The following PCDHGA10 variants were observed in gnomAD, a reference collection of about 807,000 sequenced individuals.
PCDHGA10 encodes the protein protocadherin gamma subfamily A, 10.
A neutral mutation model predicts 59.5 loss-of-function variants in PCDHGA10; 42 were observed. The observed-to-expected ratio is 0.71, with a 90% CI of 0.55 to 0.91. The LOEUF is 0.91. PCDHGA10 is among the 40% of genes least tolerant of loss of function. PCDHGA10 has a pLI of 0.00. For missense variants in PCDHGA10, 1,111 were observed against 1,198.2 expected (o/e 0.93, Z 1.07); for synonymous variants, 511 against 517.2 (o/e 0.99, Z 0.16).
chr5:141,485,632 G>T lies in PCDHGA10; in HGVS notation c.2437-9175G>T. The T allele has an allele frequency of 6.2e-7, 1 of 1,611,766 alleles. No homozygotes were observed. Among genetic ancestry groups the T allele is most frequent in the Non-Finnish European group, 8.5e-7 (1 of 1,178,342 alleles). The stretch of plus-strand genomic sequence containing the variant: ...CAGCTCCTCCAGGACAGCGTTTCCC[G>T]TTGGAAAAGGCTCAGGATGCAGATG... On this transcript the variant is annotated intron_variant, in intron 1 of 3. Coordinates refer to ENST00000398610, the MANE Select transcript of PCDHGA10 (RefSeq NM_018913.3). This position sits in a 1 kb window ranked among gnomAD's most constrained non-coding sequence, Gnocchi z 5.7.
chr5:141,500,645 A>C (rs2099801792), intron 2 of PCDHGA10, among the ~76,000 whole-genome samples: 1 of 152,228 alleles, frequency 6.6e-6, no homozygotes, highest in African/African-American at 2.4e-5. Flanking sequence ...GTTTTTTAAA[A>C]ATAGCAACTG....
Position 141,491,590 on chromosome 5 carries a change from G to A in PCDHGA10, c.2437-3217G>A, listed in dbSNP as rs376104513. ...GACGTGCTTTTCACCGGCCTCGGAC[G>A]GCAGTGACTTCACTTTTCTAAGACC... On this transcript the variant is annotated intron_variant, in intron 1 of 3. Transcript: ENST00000398610. The surrounding 1 kb of genome is among the most constrained non-coding windows in gnomAD (Gnocchi z 6.9). 15 of 1,613,828 alleles carry A rather than the reference G, an allele frequency of 9.3e-6. No homozygotes were observed. In the African/African-American group the frequency reaches 2.0e-4, roughly 22 times the overall value.
chr5:141,504,510 C>T (rs2099838864), intron 2 of PCDHGA10, among the ~76,000 whole-genome samples: 1 of 151,952 alleles, frequency 6.6e-6, no homozygotes, highest in Non-Finnish European at 1.5e-5. Context: ...GAGTGGATCT[C>T]CTCTGATATA....
chr5:141,481,794 A>G (rs1433830305), intron 1 of PCDHGA10, among the ~76,000 whole-genome samples: 1 of 152,136 alleles, frequency 6.6e-6, no homozygotes, highest in Non-Finnish European at 1.5e-5. Context: ...TCTACTAAAA[A>G]TACAAAAATT....
chr5:141,481,733 C>A (rs2099543522), intron 1 of PCDHGA10, among the ~76,000 whole-genome samples: 1 of 152,078 alleles, frequency 6.6e-6, no homozygotes, highest in Admixed American at 6.6e-5. Context: ...GCGGGCGGAT[C>A]ACGAGGTCAG....
intron 1 of PCDHGA10, chr5:141,430,850 A>T (rs1204872595): frequency 6.3e-7 from 1 of 1,582,670 alleles, no homozygotes; most frequent in South Asian, 1.2e-5. Context: ...ATGCACCCAG[A>T]TACGCTATTC....
chr5:141,471,568 A>G (rs947450908), intron 1 of PCDHGA10: 3 of 152,214 alleles, frequency 2.0e-5, no homozygotes, highest in Non-Finnish European at 2.9e-5. Context: ...CAGGGGTAGC[A>G]GTAGATAGGG....
intron 1 of PCDHGA10, among the ~76,000 whole-genome samples, chr5:141,437,573 G>A (rs923321760): frequency 1.3e-5 from 2 of 152,164 alleles, no homozygotes; most frequent in African/African-American, 4.8e-5. Flanking sequence ...GAGTATAGCT[G>A]TGATCATGAA....
At chr5:141,452,511 A>G (rs573632978) in intron 1 of PCDHGA10, among the ~76,000 whole-genome samples, 1 of 152,056 alleles carries the variant, frequency 6.6e-6, no homozygotes, top group South Asian at 2.1e-4. Context: ...TTGTACACAC[A>G]CTCCCTCAAA....
At chr5:141,504,545 TGTTGGGGG>T in intron 2 of PCDHGA10, among the ~76,000 whole-genome samples, 1 of 151,524 alleles carries the variant, frequency 6.6e-6, no homozygotes, top group South Asian at 2.1e-4. Flanking sequence ...TCATGGCAAA[TGTTGGGGG>T]ACTGGCATTC....
At chr5:141,468,560 T>TA (rs2099169084) in intron 1 of PCDHGA10, 1 of 152,004 alleles carries the variant, frequency 6.6e-6, no homozygotes, top group Non-Finnish European at 1.5e-5. Context: ...ATTTGTGATA[T>TA]AGTAAACAAT....
chr5:141,446,775 T>C (rs1175892018), intron 1 of PCDHGA10, among the ~76,000 whole-genome samples: 2 of 152,188 alleles, frequency 1.3e-5, no homozygotes, highest in Admixed American at 6.5e-5. Context: ...CCGGTTACCA[T>C]TCTTTTACTC....
chr5:141,462,125 A>G (rs918645911), intron 1 of PCDHGA10, among the ~76,000 whole-genome samples: 24 of 151,688 alleles, frequency 1.6e-4, no homozygotes, highest in African/African-American at 5.6e-4. Flanking sequence ...ACCCAGTCCA[A>G]TTTTTTGTAT....
chr5:141,413,167 C>G lies in PCDHGA10; in HGVS notation c.-9C>G. 1 of 1,590,828 alleles carries G rather than the reference C, an allele frequency of 6.3e-7. No individual in the cohort carries two copies. Among genetic ancestry groups the G allele is most frequent in the Non-Finnish European group, 8.6e-7 (1 of 1,167,986 alleles). ...TGAGGACTTTGCAGAATTCTGTAAC[C>G]AGACTACAATGGCCGCTCAAAGGAA... On this transcript the variant is annotated 5_prime_UTR_variant, in exon 1 of 4. Coordinates refer to ENST00000398610, the MANE Select transcript of PCDHGA10 (RefSeq NM_018913.3).
Position 141,491,401 on chromosome 5 carries a change from G to A in PCDHGA10, c.2437-3406G>A. The A allele has an allele frequency of 6.2e-7, 1 of 1,614,100 alleles. No homozygotes were observed. ...GTCAGCGAAGTGCCTTCAGGGAAAC[G>A]CAGACGGGGACGGGGGTGGAGGGCA... On this transcript the variant is annotated intron_variant, in intron 1 of 3. Transcript: ENST00000398610. This position sits in a 1 kb window ranked among gnomAD's most constrained non-coding sequence, Gnocchi z 6.9.
chr5:141,499,763 T>C (rs2099794343), intron 2 of PCDHGA10, among the ~76,000 whole-genome samples: 1 of 148,434 alleles, frequency 6.7e-6, no homozygotes, highest in African/African-American at 2.5e-5. Flanking sequence ...CTCAGCTCAC[T>C]GCAGCCTTCG....
At chr5:141,417,900 G>T (rs563876979) in intron 1 of PCDHGA10, 1 of 1,583,452 alleles carries the variant, frequency 6.3e-7, no homozygotes, top group African/African-American at 1.3e-5. Flanking sequence ...GCCGGCCCGC[G>T]GCAGGTACTA....
chr5:141,509,811 C>T (rs1321920000), intron 3 of PCDHGA10, among the ~76,000 whole-genome samples: 1 of 152,168 alleles, frequency 6.6e-6, no homozygotes, highest in African/African-American at 2.4e-5. Flanking sequence ...TAGAGCCGAG[C>T]TCTTCTCCAT....
intron 1 of PCDHGA10, chr5:141,423,156 C>T (rs62378456): frequency 0.034 from 55,171 of 1,613,388 alleles, 1,070 homozygotes; most frequent in Middle Eastern, 0.098. Context: ...AGCAGAGCCT[C>T]GTGGTGGCCG....
Sources: allele counts gnomAD v4.1 joint callset (sites outside exome capture counted in the v4.1 genomes callset), GRCh38; gene constraint gnomAD v4.1.1; non-coding constraint Gnocchi (gnomAD v3.1); transcripts MANE v1.5; gene names NCBI Gene and HGNC (gene_info 2026-07-23, HGNC 2026-07-21).